Variants in KIAA1328 observed in about 807,000 individuals in gnomAD.
KIAA1328 encodes KIAA1328.
KIAA1328 carries 52 observed loss-of-function variants against 68.1 expected under a neutral mutation model. That is an observed-to-expected ratio of 0.76 (90% CI 0.61 to 0.96). The LOEUF (loss-of-function observed/expected upper bound fraction) is 0.96, where lower values mean the gene tolerates loss of function less well. Among genes scored for constraint, KIAA1328 ranks in the 40% least tolerant of loss-of-function variants. The probability of loss-of-function intolerance (pLI) is 0.00; values close to 1 mark genes in which losing one functional copy is unlikely to be tolerated. For synonymous variants in KIAA1328, 232 were observed against 239.4 expected (o/e 0.97, Z 0.28); for missense variants, 641 against 677.6 (o/e 0.95, Z 0.60).
chr18:37,174,291 A>G (rs987801361), intron 9 of KIAA1328, among the ~76,000 whole-genome samples: 3 of 152,138 alleles, frequency 2.0e-5, no homozygotes, highest in Non-Finnish European at 4.4e-5. Flanking sequence ...ACAGTTGACA[A>G]TGACAACCTC....
At chr18:36,947,871 A>T (rs927193588) in intron 5 of KIAA1328, among the ~76,000 whole-genome samples, 1 of 152,166 alleles carries the variant, frequency 6.6e-6, no homozygotes, top group Non-Finnish European at 1.5e-5. Context: ...ACTTGACTCT[A>T]TACTAGAGTC....
At chr18:36,840,759 A>AT (rs764490133) in intron 3 of KIAA1328, among the ~76,000 whole-genome samples, 5 of 151,902 alleles carry the variant, frequency 3.3e-5, no homozygotes, top group South Asian at 2.1e-4. Context: ...CCATCTTGTG[A>AT]TTTTTTTCTC....
intron 5 of KIAA1328, among the ~76,000 whole-genome samples, chr18:36,951,617 G>T (rs2051164668): frequency 6.6e-6 from 1 of 152,084 alleles, no homozygotes; most frequent in African/African-American, 2.4e-5. Context: ...GGATCCAAGT[G>T]TCCCCTCTTC....
chr18:37,153,077 G>C (rs776106639), intron 7 of KIAA1328, among the ~76,000 whole-genome samples: 1 of 152,138 alleles, frequency 6.6e-6, no homozygotes, highest in Non-Finnish European at 1.5e-5. Context: ...AAATTAGGGT[G>C]GGGCAGCCAC....
intron 5 of KIAA1328, among the ~76,000 whole-genome samples, chr18:36,954,071 C>T (rs370795606): frequency 7.6e-4 from 104 of 137,564 alleles, no homozygotes; most frequent in African/African-American, 2.3e-3. Flanking sequence ...GGCGCAATCT[C>T]GGCTCACTGC....
chr18:37,097,540 T>C (rs1418529610), intron 7 of KIAA1328, among the ~76,000 whole-genome samples: 5 of 152,160 alleles, frequency 3.3e-5, no homozygotes, highest in Admixed American at 1.3e-4. Context: ...TGGCTTAGGA[T>C]TGACTTGGTA....
chr18:37,049,913 A>G (rs916322100), intron 6 of KIAA1328, among the ~76,000 whole-genome samples: 10 of 152,174 alleles, frequency 6.6e-5, no homozygotes, highest in African/African-American at 1.4e-4. Flanking sequence ...TCCTTAACCA[A>G]TAGCATAAAT....
chr18:36,966,081 G>C (rs1342849843), intron 6 of KIAA1328, among the ~76,000 whole-genome samples: 1 of 152,170 alleles, frequency 6.6e-6, no homozygotes, highest in Non-Finnish European at 1.5e-5. Context: ...AATAACAGCA[G>C]ATTTCTCAAC....
At chr18:36,887,485 A>G (rs755098751) in intron 5 of KIAA1328, among the ~76,000 whole-genome samples, 3 of 152,072 alleles carry the variant, frequency 2.0e-5, no homozygotes, top group African/African-American at 4.8e-5. Flanking sequence ...CTCCAATTCT[A>G]GGCATTACAT....
At chr18:37,144,492 CTCTTT>C (rs2058849983) in intron 7 of KIAA1328, among the ~76,000 whole-genome samples, 1 of 151,958 alleles carries the variant, frequency 6.6e-6, no homozygotes, top group African/African-American at 2.4e-5. Flanking sequence ...TGATTTTAAA[CTCTTT>C]TCTAATACCA....
intron 7 of KIAA1328, among the ~76,000 whole-genome samples, chr18:37,106,930 G>A (rs955518680): frequency 6.6e-6 from 1 of 152,098 alleles, no homozygotes; most frequent in South Asian, 2.1e-4. Flanking sequence ...CCTTACACTA[G>A]TTGGGAATCG....
Position 36,913,543 on chromosome 18 carries a change from T to TACACACACACACAC in KIAA1328, c.448+27884_448+27897dup, listed in dbSNP as rs34096013. Among the ~76,000 whole-genome samples, 552 of 131,478 alleles carry TACACACACACACAC rather than the reference T, an allele frequency of 4.2e-3. 13 individuals carry two copies. Among genetic ancestry groups the TACACACACACACAC allele is most frequent in the Middle Eastern group, 0.016 (4 of 256 alleles). 86.3% of individuals were successfully genotyped at this position (131,478 alleles called of 152,430 possible). A position where few individuals can be genotyped will look rare whatever the true frequency, so the allele number is the denominator to read the frequency against. On this transcript the variant is annotated intron_variant, in intron 5 of 9. Transcript: ENST00000280020. ...ACACACTTAGAGGAAAGCAACTGCC[T>TACACACACACACAC]ACACACACACACACACACACACACA...
chr18:37,142,237 G>A (rs2058782347), intron 7 of KIAA1328, among the ~76,000 whole-genome samples: 1 of 152,006 alleles, frequency 6.6e-6, no homozygotes, highest in Non-Finnish European at 1.5e-5. Flanking sequence ...CGTCACCCAG[G>A]CCGGATTGCA....
chr18:36,983,312 A>C (rs2052771033), intron 6 of KIAA1328, among the ~76,000 whole-genome samples: 1 of 152,098 alleles, frequency 6.6e-6, no homozygotes, highest in South Asian at 2.1e-4. Context: ...TAACTGTATG[A>C]ACATAGAACA....
rs1164468689 is a variant in KIAA1328 at position 37,120,684 on chromosome 18, T to C, written c.1233-39516T>C. Among the ~76,000 whole-genome samples, 3 of 152,126 alleles carry C rather than the reference T, an allele frequency of 2.0e-5. No homozygotes were observed. In the South Asian group the frequency reaches 6.2e-4, roughly 32 times the overall value. ...CTCTAGTTCTGCCTGAAAGTGAAAT[T>C]CCTAGCTGTGAAGTAGTTTTCTATT... On this transcript the variant is annotated intron_variant, in intron 7 of 9. Coordinates refer to ENST00000280020, the MANE Select transcript of KIAA1328 (RefSeq NM_020776.3).
At chr18:37,170,564 A>G (rs921863263) in intron 8 of KIAA1328, among the ~76,000 whole-genome samples, 2 of 152,154 alleles carry the variant, frequency 1.3e-5, no homozygotes, top group Admixed American at 1.3e-4. Flanking sequence ...CTCCCATTTC[A>G]TGCTCGTCAT....
intron 6 of KIAA1328, among the ~76,000 whole-genome samples, chr18:36,971,261 T>C (rs1197467905): frequency 1.3e-5 from 2 of 152,236 alleles, no homozygotes; most frequent in Non-Finnish European, 2.9e-5. Context: ...AAACTGAAAC[T>C]GGACCCCTTC....
intron 6 of KIAA1328, among the ~76,000 whole-genome samples, chr18:36,974,027 A>G (rs2052360989): frequency 6.6e-6 from 1 of 152,120 alleles, no homozygotes; most frequent in Non-Finnish European, 1.5e-5. Context: ...TCTAAATTAG[A>G]TATGATTGGG....
chr18:36,983,464 CA>C lies in KIAA1328; in HGVS notation c.576+24030del, dbSNP rs2052779174. Among the ~76,000 whole-genome samples the C allele has an allele frequency of 2.0e-5, 3 of 152,124 alleles. No homozygotes were observed. In the South Asian group the frequency reaches 6.2e-4, roughly 32 times the overall value. On this transcript the variant is annotated intron_variant, in intron 6 of 9. Transcript: ENST00000280020. ...ACTAATCCACAATTATACTTGATTTCATTACCACCTTCTCAATGGTTAATAG... is the reference window on the plus strand; with the variant it reads ...ACTAATCCACAATTATACTTGATTTCTTACCACCTTCTCAATGGTTAATAG...
Sources: allele counts gnomAD v4.1 joint callset (sites outside exome capture counted in the v4.1 genomes callset), GRCh38; gene constraint gnomAD v4.1.1; transcripts MANE v1.5; gene names NCBI Gene and HGNC (gene_info 2026-07-23, HGNC 2026-07-21).